PCM1: variants seen among roughly 807,000 people sequenced by gnomAD.
The protein encoded by PCM1 is pericentriolar material 1.
PCM1 carries 157 observed loss-of-function variants against 241.9 expected under a neutral mutation model. That is an observed-to-expected ratio of 0.65 (90% CI 0.57 to 0.74). PCM1 has a LOEUF of 0.74. Ranked by LOEUF, PCM1 falls within the 30% of genes least tolerant of loss-of-function variation. The pLI is 0.00. For synonymous variants in PCM1, 1,085 were observed against 784.9 expected, an observed-to-expected ratio of 1.38 and a Z score of -6.39; for missense variants, 3,478 against 2,360.1, an observed-to-expected ratio of 1.47 and a Z score of -9.81.
intron 13 of PCM1, among the ~76,000 whole-genome samples, chr8:17,959,773 TG>T (rs2070767934): frequency 6.6e-6 from 1 of 152,186 alleles, no homozygotes; most frequent in African/African-American, 2.4e-5. Flanking sequence ...TTACTGGAAT[TG>T]GCCTTTTCCA....
rs2074931253 is a variant in PCM1 at position 17,966,471 on chromosome 8, G to GTT, written c.3219_3220insTT (p.Arg1074LeufsTer3). 6.2e-7 allele frequency: 1 copy of GTT among 1,613,198 alleles called. No individual in the cohort carries two copies. The highest frequency in any genetic ancestry group is 8.5e-7 in the Non-Finnish European group (1 of 1,179,484). On this transcript the variant is annotated frameshift_variant and splice_region_variant, in exon 20 of 39. Coordinates refer to ENST00000325083, the MANE Select transcript of PCM1 (RefSeq NM_006197.4). LOFTEE classifies it high-confidence loss of function. ...TAACATGGCAACAGAATAATGTTCA[G>GTT]AGGTAATCTGTTTCTTAGAAGTATT...
chr8:17,946,879 G>C (rs2064010003), intron 6 of PCM1, among the ~76,000 whole-genome samples: 1 of 149,590 alleles, frequency 6.7e-6, no homozygotes, highest in African/African-American at 2.5e-5. Flanking sequence ...GTGTCCATGT[G>C]TCCGTGTCCC....
At chr8:17,991,748 G>C (rs2084708881) in intron 28 of PCM1, 48 bp downstream of exon 28, 8 of 1,381,312 alleles carry the variant, frequency 5.8e-6, no homozygotes, top group Non-Finnish European at 8.0e-6. Context: ...GGTGGTGTTT[G>C]GTTACATGAA....
intron 34 of PCM1, among the ~76,000 whole-genome samples, chr8:18,013,285 A>G (rs751639860): frequency 6.6e-6 from 1 of 152,166 alleles, no homozygotes; most frequent in East Asian, 1.9e-4. Flanking sequence ...GGTTGGTGCA[A>G]AAGTAATTGT....
At chr8:17,954,072 C>T (rs1340213654) in intron 9 of PCM1, among the ~76,000 whole-genome samples, 1 of 152,172 alleles carries the variant, frequency 6.6e-6, no homozygotes, top group Non-Finnish European at 1.5e-5. Flanking sequence ...CTGACTTCTG[C>T]TAGTCTCTTT....
intron 2 of PCM1, chr8:17,934,771 G>C (rs2059973816): frequency 6.6e-6 from 1 of 152,158 alleles, no homozygotes; most frequent in Admixed American, 6.5e-5. Context: ...GCAAGATTAT[G>C]CAGAAATCTT....
At position 17,956,688 on chromosome 8, in the gene PCM1, T is replaced by C. The variant is rs758026825; in HGVS notation, c.1557T>C (p.Asp519=). 2 of 1,601,390 alleles carry C rather than the reference T, an allele frequency of 1.2e-6. No homozygotes were observed. The highest frequency in any genetic ancestry group is 3.4e-5 in the Admixed American group (2 of 59,268). The part of the protein sequence containing the change: ...YYEQTSDMMT[D]AVNENRKDEE... Reference sequence around the variant, plus strand: ...AACAAACGTCAGACATGATGACAGATGCTGTGAATGAAAACAGGAAAGATG... The same window carrying C: ...AACAAACGTCAGACATGATGACAGACGCTGTGAATGAAAACAGGAAAGATG... Residue 519 remains aspartate, a synonymous_variant, in exon 11 of 39, where the codon GAT becomes GAC. Transcript: ENST00000325083.
At chr8:18,000,741 C>A (rs2089070041) in intron 29 of PCM1, among the ~76,000 whole-genome samples, 1 of 152,148 alleles carries the variant, frequency 6.6e-6, no homozygotes, top group Non-Finnish European at 1.5e-5. Context: ...CCCACCTCAG[C>A]CTCCCAAGTA....
chr8:18,006,424 C>T, intron 30 of PCM1, 27 bp downstream of exon 30: 2 of 1,536,634 alleles, frequency 1.3e-6, no homozygotes, highest in Non-Finnish European at 1.8e-6. Context: ...GTATGATTTA[C>T]CAATATGTAC....
chr8:18,026,937 T>A (rs2094269737), intron 38 of PCM1, among the ~76,000 whole-genome samples: 1 of 152,224 alleles, frequency 6.6e-6, no homozygotes, highest in Admixed American at 6.5e-5. Context: ...TCTCTGAGGT[T>A]GCTTCTATAT....
chr8:18,002,901 C>T (rs71526175), intron 29 of PCM1, among the ~76,000 whole-genome samples: 1,974 of 121,142 alleles, frequency 0.016, 92 homozygotes, highest in Non-Finnish European at 0.022. Flanking sequence ...TCATGTCCTT[C>T]GCCCACTTTT....
intron 29 of PCM1, among the ~76,000 whole-genome samples, chr8:18,000,954 C>T (rs773568644): frequency 9.2e-5 from 14 of 152,228 alleles, no homozygotes; most frequent in South Asian, 6.2e-4. Flanking sequence ...TTTAGACAAT[C>T]GTAGAGAGGT....
At chr8:17,944,167 T>C (rs1415798995) in intron 6 of PCM1, among the ~76,000 whole-genome samples, 3 of 152,314 alleles carry the variant, frequency 2.0e-5, no homozygotes, top group East Asian at 3.9e-4. Flanking sequence ...TTGCTAGTTA[T>C]TTCGTGTGAG....
chr8:17,949,559 G>T (rs906852652), intron 7 of PCM1, among the ~76,000 whole-genome samples: 2 of 143,912 alleles, frequency 1.4e-5, no homozygotes, highest in Non-Finnish European at 3.0e-5. Flanking sequence ...TACAGTGGGC[G>T]TGATCTTGGC....
chr8:17,986,255 G>A, intron 26 of PCM1, 168 bp downstream of exon 26: 1 of 454,932 alleles, frequency 2.2e-6, no homozygotes, highest in East Asian at 3.6e-5. Context: ...GATATAATAT[G>A]CAATCAAAAT....
chr8:17,940,565 C>T (rs568031178), intron 6 of PCM1, among the ~76,000 whole-genome samples: 2 of 152,128 alleles, frequency 1.3e-5, no homozygotes, highest in African/African-American at 4.8e-5. Context: ...TCACTGAGGA[C>T]ACGTTAAGGA....
At chr8:17,925,065 G>C (rs374784869) in intron 2 of PCM1, 23 of 152,292 alleles carry the variant, frequency 1.5e-4, no homozygotes, top group African/African-American at 5.1e-4. Context: ...TTTTCAACCT[G>C]TTTGAATTTG....
intron 22 of PCM1, among the ~76,000 whole-genome samples, chr8:17,971,076 G>A (rs575943221): frequency 5.9e-5 from 9 of 152,152 alleles, no homozygotes; most frequent in Non-Finnish European, 1.0e-4. Flanking sequence ...GAGTATGGCT[G>A]TGTTCTGCAA....
At position 18,028,176 on chromosome 8, in the gene PCM1, G is replaced by A. The variant is rs915032313; in HGVS notation, c.*514G>A. The A allele has an allele frequency of 1.6e-5, 3 of 192,790 alleles. No individual in the cohort carries two copies. The highest frequency in any genetic ancestry group is 4.6e-5 in the African/African-American group (2 of 43,068). 11.9% of individuals were successfully genotyped at this position (192,790 alleles called of 1,614,324 possible). A position where few individuals can be genotyped will look rare whatever the true frequency, so the allele number is the denominator to read the frequency against. ...ATGTTCTTCTTTTAGATACCTGCAGGTCCTATTCCTGTGCAAGAATAGGGC... is the reference window on the plus strand; with the variant it reads ...ATGTTCTTCTTTTAGATACCTGCAGATCCTATTCCTGTGCAAGAATAGGGC... On this transcript the variant is annotated 3_prime_UTR_variant, in exon 39 of 39. Coordinates refer to ENST00000325083, the MANE Select transcript of PCM1 (RefSeq NM_006197.4).
Sources: allele counts gnomAD v4.1 joint callset (sites outside exome capture counted in the v4.1 genomes callset), GRCh38; gene constraint gnomAD v4.1.1; transcripts MANE v1.5; gene names NCBI Gene and HGNC (gene_info 2026-07-23, HGNC 2026-07-21).